Variants in CHST11 observed in about 807,000 individuals in gnomAD.
The protein encoded by CHST11 is carbohydrate sulfotransferase 11.
In CHST11, 9 loss-of-function variants were observed where a neutral mutation model predicts 30.4. That is an observed-to-expected ratio of 0.30 (90% confidence interval 0.18 to 0.52). The LOEUF is 0.52. CHST11 is among the 20% of genes least tolerant of loss of function. CHST11 has a pLI of 0.97. For missense variants in CHST11, 348 were observed against 460.6 expected (o/e 0.76, Z 2.24); for synonymous variants, 152 against 187.8 (o/e 0.81, Z 1.56).
chr12:104,549,885 C>T (rs796981536), intron 1 of CHST11, among the ~76,000 whole-genome samples: 15 of 152,132 alleles, frequency 9.9e-5, no homozygotes, highest in African/African-American at 2.7e-4. Context: ...CCAGCCTGGG[C>T]GACAGAGTGA....
intron 2 of CHST11, among the ~76,000 whole-genome samples, chr12:104,742,541 C>A (rs1166221116): frequency 6.6e-6 from 1 of 152,256 alleles, no homozygotes; most frequent in Admixed American, 6.5e-5. Context: ...TGCATCCCTT[C>A]CTCACCGTTG....
intron 1 of CHST11, among the ~76,000 whole-genome samples, chr12:104,502,246 T>C (rs1216485884): frequency 1.3e-5 from 2 of 152,086 alleles, no homozygotes; most frequent in Non-Finnish European, 2.9e-5. Context: ...GTGGTCTTGC[T>C]GTGTTGCCAA....
intron 1 of CHST11, among the ~76,000 whole-genome samples, chr12:104,549,524 A>G (rs2038385438): frequency 6.6e-6 from 1 of 152,190 alleles, no homozygotes; most frequent in Non-Finnish European, 1.5e-5. Flanking sequence ...AAGAGATTAC[A>G]AGTGATTTAT....
At chr12:104,695,473 G>GTA (rs367656871) in intron 2 of CHST11, among the ~76,000 whole-genome samples, 1 of 144,256 alleles carries the variant, frequency 6.9e-6, no homozygotes, top group Admixed American at 7.0e-5. Flanking sequence ...GTGTGTGTGT[G>GTA]TATGTGTCCT....
At chr12:104,739,445 C>T (rs1484291274) in intron 2 of CHST11, among the ~76,000 whole-genome samples, 1 of 152,142 alleles carries the variant, frequency 6.6e-6, no homozygotes, top group Non-Finnish European at 1.5e-5. Flanking sequence ...ACAGGAGGTC[C>T]GTGGCACCGT....
chr12:104,743,439 G>T (rs1402133228), intron 2 of CHST11, among the ~76,000 whole-genome samples: 1 of 152,148 alleles, frequency 6.6e-6, no homozygotes, highest in Non-Finnish European at 1.5e-5. Flanking sequence ...TGGAGGCAGT[G>T]GGGGCTGAGA....
rs4964796 is a variant in CHST11 at position 104,465,039 on chromosome 12, G to A, written c.118+7510G>A. Among the ~76,000 whole-genome samples the A allele has an allele frequency of 8.4e-3, 1,280 of 152,260 alleles. 32 individuals are homozygous for A. Among genetic ancestry groups the A allele is most frequent in the East Asian group, 0.068 (351 of 5,190 alleles). The stretch of plus-strand genomic sequence containing the variant: ...CTGCCCTTTAACGAGCAACTGTTTC[G>A]TTTCTTAGTGTTCCATCAAATAGCA... On this transcript the variant is annotated intron_variant, in intron 1 of 2. Transcript: ENST00000303694.
intron 2 of CHST11, among the ~76,000 whole-genome samples, chr12:104,663,112 G>A (rs1200208857): frequency 6.6e-6 from 1 of 152,234 alleles, no homozygotes; most frequent in Non-Finnish European, 1.5e-5. Context: ...GGGAGCACCC[G>A]GGAGGATCCA....
intron 2 of CHST11, among the ~76,000 whole-genome samples, chr12:104,728,083 A>G (rs1487098161): frequency 2.0e-5 from 3 of 150,648 alleles, no homozygotes; most frequent in African/African-American, 7.3e-5. Flanking sequence ...TAATAGTAAT[A>G]ATAATAATAG....
At chr12:104,468,500 A>T (rs976545907) in intron 1 of CHST11, among the ~76,000 whole-genome samples, 2 of 152,164 alleles carry the variant, frequency 1.3e-5, no homozygotes, top group Admixed American at 6.5e-5. Flanking sequence ...GCTGCTCTGA[A>T]CATCTGGGAG....
chr12:104,682,493 C>T (rs763411525), intron 2 of CHST11, among the ~76,000 whole-genome samples: 21 of 152,374 alleles, frequency 1.4e-4, no homozygotes, highest in Non-Finnish European at 2.9e-4. Context: ...TGGTGACAAG[C>T]AAACCCTCCC....
At chr12:104,727,707 A>G (rs1264104161) in intron 2 of CHST11, among the ~76,000 whole-genome samples, 1 of 152,202 alleles carries the variant, frequency 6.6e-6, no homozygotes, top group African/African-American at 2.4e-5. Flanking sequence ...TCATTCTCCA[A>G]TCCCTTTCAG....
chr12:104,624,945 G>C (rs144117296), intron 2 of CHST11, among the ~76,000 whole-genome samples: 1 of 152,170 alleles, frequency 6.6e-6, no homozygotes, highest in South Asian at 2.1e-4. Context: ...ATAAGGACAC[G>C]GTCATTCTGG....
intron 1 of CHST11, among the ~76,000 whole-genome samples, chr12:104,475,675 TATATATATATATA>T (rs1565954832): frequency 2.2e-4 from 26 of 119,030 alleles, no homozygotes; most frequent in South Asian, 7.8e-4. Flanking sequence ...TATATATATA[TATATATATATATA>T]TATTTCTGAT....
intron 2 of CHST11, among the ~76,000 whole-genome samples, chr12:104,751,996 GACCTCCTCTT>G (rs1194396959): frequency 1.3e-5 from 2 of 152,156 alleles, no homozygotes; most frequent in Non-Finnish European, 2.9e-5. Context: ...TTGAATGATT[GACCTCCTCTT>G]TTAGGTTCCT....
intron 2 of CHST11, among the ~76,000 whole-genome samples, chr12:104,650,205 A>T (rs1224075153): frequency 6.6e-6 from 1 of 152,208 alleles, no homozygotes; most frequent in African/African-American, 2.4e-5. Context: ...TATCCTTTGG[A>T]TGCTTCCTGA....
intron 2 of CHST11, among the ~76,000 whole-genome samples, chr12:104,731,655 T>C (rs2040259649): frequency 6.6e-6 from 1 of 151,792 alleles, no homozygotes; most frequent in Admixed American, 6.6e-5. Context: ...GCCTCAGCGT[T>C]TCCATCTGTA....
chr12:104,642,861 A>C (rs1020722856), intron 2 of CHST11, among the ~76,000 whole-genome samples: 1 of 152,180 alleles, frequency 6.6e-6, no homozygotes, highest in East Asian at 1.9e-4. Context: ...AATACTTTTT[A>C]AAATTAAGAA....
chr12:104,568,589 T>C (rs1348040855), intron 1 of CHST11, among the ~76,000 whole-genome samples: 1 of 152,226 alleles, frequency 6.6e-6, no homozygotes, highest in Non-Finnish European at 1.5e-5. Context: ...TGGGAGCTGC[T>C]GATGGGACCT....
Sources: allele counts gnomAD v4.1 joint callset (sites outside exome capture counted in the v4.1 genomes callset), GRCh38; gene constraint gnomAD v4.1.1; transcripts MANE v1.5; gene names NCBI Gene and HGNC (gene_info 2026-07-23, HGNC 2026-07-21).